Variants in SEZ6L2 observed in about 807,000 individuals in gnomAD.
The protein encoded by SEZ6L2 is seizure related 6 homolog like 2, also known as seizure 6-like protein 2.
Under a neutral mutation model 97.0 loss-of-function variants are expected in SEZ6L2, and 44 were observed. That is an observed-to-expected ratio of 0.45 (90% CI 0.36 to 0.58). The LOEUF is 0.58. SEZ6L2 is among the 20% of genes least tolerant of loss of function. SEZ6L2 has a pLI of 0.00. For synonymous variants in SEZ6L2, 543 were observed against 546.1 expected (o/e 0.99, Z 0.08); for missense variants, 1,086 against 1,233.3 (o/e 0.88, Z 1.79).
At position 29,899,004 on chromosome 16, in the gene SEZ6L2, C is replaced by T; in HGVS notation, c.16G>A (p.Ala6Thr). The T allele has an allele frequency of 6.2e-7, 1 of 1,610,306 alleles. No homozygotes were observed. Among genetic ancestry groups the T allele is most frequent in the Non-Finnish European group, 8.5e-7 (1 of 1,179,234 alleles). MGTPRAQHPPPPQLLF... is the reference protein window; with the variant it reads MGTPRTQHPPPPQLLF... The stretch of plus-strand genomic sequence containing the variant: ...AGCTGGGGAGGCGGCGGGTGCTGGG[C>T]CCTGGGAGTCCCCATGGCGACTCAC... Residue 6 changes from alanine (A) to threonine (T), a missense_variant, in exon 1 of 18, where the codon GCC (alanine) becomes ACC (threonine). Physicochemically the swap from Ala to Thr is moderately conservative, Grantham distance 58. Transcript: ENST00000617533.
intron 3 of SEZ6L2, among the ~76,000 whole-genome samples, 179 bp from the exon 4 acceptor site, chr16:29,896,039 T>C (rs2068380880): frequency 6.6e-6 from 1 of 152,172 alleles, no homozygotes; most frequent in Admixed American, 6.6e-5. Flanking sequence ...CATGGCTCAC[T>C]GCAGTCTCAA....
intron 8 of SEZ6L2, among the ~76,000 whole-genome samples, chr16:29,881,085 TA>T (rs1261568872): frequency 6.6e-6 from 1 of 152,072 alleles, no homozygotes; most frequent in African/African-American, 2.4e-5. Flanking sequence ...GGTGGGTTTT[TA>T]AAAACTGAAT....
chr16:29,881,373 G>C (rs1014544079), intron 8 of SEZ6L2, among the ~76,000 whole-genome samples: 1 of 152,116 alleles, frequency 6.6e-6, no homozygotes, highest in African/African-American at 2.4e-5. Flanking sequence ...GTAAGGGGAG[G>C]GGTGCCTTCA....
chr16:29,889,387 C>T (rs1223744506), intron 5 of SEZ6L2, among the ~76,000 whole-genome samples: 9 of 151,736 alleles, frequency 5.9e-5, no homozygotes, highest in African/African-American at 1.2e-4. Context: ...TGCAGTGAGC[C>T]GAGATCGTCC....
Position 29,872,719 on chromosome 16 carries a change from T to C in SEZ6L2, c.2513A>G (p.Asn838Ser). ...CTCTCACTGACCTTCCAGTTTTCGG[T>C]TGTCCAGGAGCTCCTCATAGGCAAC... is the stretch of plus-strand genomic sequence containing the variant. Reference protein sequence around the residue: ...CKVAYEELLDNRKLEVTQTTD... With the variant: ...CKVAYEELLDSRKLEVTQTTD... Residue 838 changes from asparagine to serine, a missense_variant, in exon 15 of 18, where the codon AAC (asparagine) becomes AGC (serine). By Grantham distance (46) the Asn-to-Ser change is conservative. This residue lies in a region of SEZ6L2 where 310 missense variants were observed against 438.6 expected (regional missense o/e 0.71). Coordinates refer to ENST00000617533, the MANE Select transcript of SEZ6L2 (RefSeq NM_001243332.2). The C allele has an allele frequency of 5.6e-6, 9 of 1,613,202 alleles. No individual in the cohort carries two copies. Among genetic ancestry groups the C allele is most frequent in the Non-Finnish European group, 4.2e-6 (5 of 1,179,798 alleles).
intron 12 of SEZ6L2, among the ~76,000 whole-genome samples, chr16:29,874,602 C>T (rs1233534891): frequency 5.9e-5 from 5 of 84,482 alleles, no homozygotes; most frequent in African/African-American, 8.2e-5. Context: ...ATGGGAGTCT[C>T]GCTCTGTCGC....
intron 4 of SEZ6L2, 106 bp from the exon 5 acceptor site, chr16:29,895,566 C>T: frequency 7.1e-7 from 1 of 1,413,864 alleles, no homozygotes; most frequent in Non-Finnish European, 9.6e-7. Context: ...CAAAAGGCAC[C>T]ACGCTGCTGC....
chr16:29,875,894 T>C (rs66818723), intron 12 of SEZ6L2, among the ~76,000 whole-genome samples: 35,734 of 151,650 alleles, frequency 0.24, 5,078 homozygotes, highest in Non-Finnish European at 0.33. Flanking sequence ...ACTCCAGACC[T>C]CAGGTGATCC....
rs2067783024 is a variant in SEZ6L2 at position 29,871,640 on chromosome 16, C to T, written c.*59G>A. ...AGGCAGAGACCGGGTCCCGTATTTC[C>T]CTCTGCCCGAATGAGGAGGGGAGGG... On this transcript the variant is annotated 3_prime_UTR_variant, in exon 18 of 18. Transcript: ENST00000617533. The T allele has an allele frequency of 6.4e-7, 1 of 1,554,048 alleles. No individual in the cohort carries two copies. Among genetic ancestry groups the T allele is most frequent in the East Asian group, 2.3e-5 (1 of 43,044 alleles).
Position 29,885,556 on chromosome 16 carries a change from TGGGGTCCTGTGG to T in SEZ6L2, c.1372+18_1372+29del, listed in dbSNP as rs2068119512. On this transcript the variant is annotated intron_variant, in intron 8 of 17. Coordinates refer to ENST00000617533, the MANE Select transcript of SEZ6L2 (RefSeq NM_001243332.2). ...CAGGAAGAGGGGAAGGTGTGGCGGT[TGGGGTCCTGTGG>T]GGGAGTGGGTCACTTACCTTCAAAT... is the stretch of plus-strand genomic sequence containing the variant. The T allele has an allele frequency of 1.9e-6, 3 of 1,601,280 alleles. No homozygotes were observed. Among genetic ancestry groups the T allele is most frequent in the Non-Finnish European group, 2.6e-6 (3 of 1,170,114 alleles).
intron 9 of SEZ6L2, 133 bp from the exon 10 acceptor site, chr16:29,878,558 C>CT (rs2150786322): frequency 1.8e-6 from 1 of 569,458 alleles, no homozygotes; most frequent in African/African-American, 1.9e-5. Flanking sequence ...CCACCTGTTT[C>CT]TTTTATTCTT....
At chr16:29,889,105 C>A (rs1031715121) in intron 5 of SEZ6L2, among the ~76,000 whole-genome samples, 1 of 152,110 alleles carries the variant, frequency 6.6e-6, no homozygotes, top group Non-Finnish European at 1.5e-5. Flanking sequence ...TTGTTCAGCT[C>A]CCAAAGTGAG....
Position 29,895,771 on chromosome 16 carries a change from C to T in SEZ6L2, c.601G>A (p.Asp201Asn), listed in dbSNP as rs773567728. ...SPVSRTLGLL[D>N]CTYSIHVYPG... ...TAGACATGGATGCTGTAAGTGCAGT[C>T]CAGGAGCCCCAGGGTGCGGCTGACG... The change falls in exon 4 of 18, where the codon GAC becomes AAC. Residue 201 changes from aspartate to asparagine, a missense_variant. This residue lies in a region of SEZ6L2 where 776 missense variants were observed against 794.7 expected (regional missense o/e 0.98). Coordinates refer to ENST00000617533, the MANE Select transcript of SEZ6L2 (RefSeq NM_001243332.2). The T allele has an allele frequency of 1.9e-6, 3 of 1,613,968 alleles. No individual in the cohort carries two copies. Among genetic ancestry groups the T allele is most frequent in the Non-Finnish European group, 1.7e-6 (2 of 1,180,006 alleles).
chr16:29,895,820 C>T lies in SEZ6L2; in HGVS notation c.552G>A (p.Val184=). 1 of 1,614,080 alleles carries T rather than the reference C, an allele frequency of 6.2e-7. No individual in the cohort carries two copies. Residue 184 remains valine (V), a synonymous_variant, in exon 4 of 18, where the codon GTG becomes GTA. Transcript: ENST00000617533. ...CGGGGCTCCCCAGATCTGGAGACTC[C>T]ACATACCCTTCGCCCTCGGAGATGT... ...NNNISEGEGY[V]ESPDLGSPVS...
At chr16:29,895,136 G>T in intron 5 of SEZ6L2, 123 bp downstream of exon 5, 3 of 819,838 alleles carry the variant, frequency 3.7e-6, no homozygotes, top group Non-Finnish European at 5.7e-6. Flanking sequence ...CTGAGATCAC[G>T]CCACTGACCT....
rs2067895974 is a variant in SEZ6L2, at chr16:29,876,024, C to T, written c.2104+732G>A. 6.6e-6 allele frequency among the ~76,000 whole-genome samples: 1 copy of T among 152,134 alleles called. No homozygotes were observed. The highest frequency in any genetic ancestry group is 1.5e-5 in the Non-Finnish European group (1 of 68,030). ...GAAAATTAGCCCACTGCTCTCCCCA[C>T]AGCACTTCGCCACGCCCAGGGCAGC... is the stretch of plus-strand genomic sequence containing the variant. On this transcript the variant is annotated intron_variant, in intron 12 of 17. Transcript: ENST00000617533. This position sits in a 1 kb window ranked among gnomAD's most constrained non-coding sequence, Gnocchi z 6.5.
At chr16:29,898,529 G>C (rs2068458039) in intron 1 of SEZ6L2, among the ~76,000 whole-genome samples, 1 of 152,008 alleles carries the variant, frequency 6.6e-6, no homozygotes, top group African/African-American at 2.4e-5. Flanking sequence ...GTGGGGGACT[G>C]AAAATCTGGT....
chr16:29,888,673 A>T lies in SEZ6L2; in HGVS notation c.906T>A (p.Ser302Arg). The part of the protein sequence containing the change: ...FPPRPAHGDV[S>R]VTDLHPGGTA... ...TGCCCCCAGGGTGCAGGTCCGTCAC[A>T]CTCACGTCCCCATGGGCCGGCCGGG... Residue 302 changes from serine to arginine, a missense_variant, in exon 6 of 18, where the codon AGT becomes AGA. By Grantham distance (110) the Ser-to-Arg change is moderately radical (BLOSUM62 -1). This residue lies in a region of SEZ6L2 where 776 missense variants were observed against 794.7 expected (regional missense o/e 0.98). Transcript: ENST00000617533. 6.2e-7 allele frequency: 1 copy of T among 1,613,776 alleles called. No individual in the cohort carries two copies. Among genetic ancestry groups the T allele is most frequent in the Non-Finnish European group, 8.5e-7 (1 of 1,179,862 alleles).
chr16:29,897,762 G>C, intron 2 of SEZ6L2, 91 bp downstream of exon 2: 1 of 1,418,560 alleles, frequency 7.0e-7, no homozygotes, highest in Non-Finnish European at 9.4e-7. Context: ...GTCTCTCTCT[G>C]CCTGCTCTTC....
Sources: gnomAD v4.1 joint callset for allele counts (sites outside exome capture counted in the v4.1 genomes callset) on GRCh38, gnomAD v4.1.1 for gene constraint, gnomAD v4.1.1 regional missense constraint, Gnocchi (gnomAD v3.1) non-coding constraint, MANE v1.5 for transcripts, NCBI Gene and HGNC (gene_info 2026-07-23, HGNC 2026-07-21) for gene names.